Variants in RELB observed in about 807,000 individuals in gnomAD.
RELB encodes the protein transcription factor RelB.
RELB carries 14 observed loss-of-function variants against 55.4 expected under a neutral mutation model. That is an observed-to-expected ratio of 0.25 (90% CI 0.17 to 0.40). RELB has a LOEUF of 0.40. Ranked by LOEUF, RELB falls within the 10% of genes least tolerant of loss-of-function variation. RELB has a pLI of 1.00. For missense variants in RELB, 669 were observed against 830.7 expected (o/e 0.81, Z 2.39); for synonymous variants, 409 against 371.3 (o/e 1.10, Z -1.17).
chr19:45,029,970 C>T (rs554923564), intron 8 of RELB, among the ~76,000 whole-genome samples: 1 of 151,988 alleles, frequency 6.6e-6, no homozygotes. Flanking sequence ...GAGTTCGAGA[C>T]CAGCCTGGGC....
Position 45,037,858 on chromosome 19 carries a change from G to C in RELB, c.*68G>C. On this transcript the variant is annotated 3_prime_UTR_variant, in exon 12 of 12. Transcript: ENST00000221452. ...GGAGGAGCCGTGCAATCCCAACCAGGATGTCTAGCACCCCCATCCCCTTGG... is the reference window on the plus strand; with the variant it reads ...GGAGGAGCCGTGCAATCCCAACCAGCATGTCTAGCACCCCCATCCCCTTGG... The C allele has an allele frequency of 7.1e-7, 1 of 1,408,840 alleles. No homozygotes were observed. The highest frequency in any genetic ancestry group is 2.7e-5 in the East Asian group (1 of 37,336). 87.3% of individuals were successfully genotyped at this position (1,408,840 alleles called of 1,614,324 possible).
chr19:45,008,346 A>G, intron 2 of RELB: 1 of 450,808 alleles, frequency 2.2e-6, no homozygotes, highest in East Asian at 7.0e-5. Context: ...CAGGATTTGA[A>G]CAGAGGCAGT....
chr19:45,024,855 G>T (rs922446561), intron 5 of RELB, among the ~76,000 whole-genome samples: 1 of 151,130 alleles, frequency 6.6e-6, no homozygotes, highest in East Asian at 1.9e-4. Context: ...TGGCCAAAAG[G>T]TTTATTTTAT....
intron 7 of RELB, among the ~76,000 whole-genome samples, chr19:45,028,534 A>G (rs1971584080): frequency 6.6e-6 from 1 of 151,850 alleles, no homozygotes; most frequent in Non-Finnish European, 1.5e-5. Context: ...GGGTTTCACC[A>G]TGTTGGCCAG....
At chr19:45,003,907 TTTTTTGTG>T (rs1971246919) in intron 2 of RELB, among the ~76,000 whole-genome samples, 1 of 123,332 alleles carries the variant, frequency 8.1e-6, no homozygotes, top group African/African-American at 3.2e-5. Context: ...TTTTTGTCTG[TTTTTTGTG>T]TTTTTTTTTT....
intron 5 of RELB, 109 bp downstream of exon 5, chr19:45,022,319 C>T (rs1358415132): frequency 1.8e-6 from 2 of 1,099,086 alleles, no homozygotes; most frequent in East Asian, 2.5e-5. Flanking sequence ...TAAACCCTCC[C>T]CACTGCCTCT....
chr19:45,006,209 C>T (rs1174614875), intron 2 of RELB, among the ~76,000 whole-genome samples: 4 of 152,020 alleles, frequency 2.6e-5, no homozygotes, highest in African/African-American at 7.2e-5. Context: ...AGGAAAATTC[C>T]CTTTTTGTTT....
chr19:45,025,671 T>C lies in RELB; in HGVS notation c.820T>C (p.Tyr274His). ...NVVRICFQAS[Y>H]RDQQGQMRRM... ...GGTGAGGATCTGCTTCCAGGCCTCA[T>C]ATCGGGACCAGCAGGGACAGATGCG... Residue 274 changes from tyrosine to histidine, a missense_variant, in exon 7 of 12, where the codon TAT becomes CAT. This residue lies in a region of RELB where 341 missense variants were observed against 436.8 expected (regional missense o/e 0.78). Coordinates refer to ENST00000221452, the MANE Select transcript of RELB (RefSeq NM_006509.4). 1 of 1,614,000 alleles carries C rather than the reference T, an allele frequency of 6.2e-7. No homozygotes were observed. The highest frequency in any genetic ancestry group is 8.5e-7 in the Non-Finnish European group (1 of 1,179,892).
In RELB at chr19:45,025,586, C is replaced by A. The variant is rs1460321502; in HGVS notation, c.755-20C>A. 2.5e-6 allele frequency: 4 copies of A among 1,613,830 alleles called. No individual in the cohort carries two copies. In the South Asian group the frequency reaches 4.4e-5, roughly 18 times the overall value. ...GGTCTCCACTTCCCACCCTCAGCCT[C>A]CCCATATCTCCCCCGACAGCTGGGT... On this transcript the variant is annotated intron_variant, in intron 6 of 11. Transcript: ENST00000221452.
intron 4 of RELB, among the ~76,000 whole-genome samples, chr19:45,014,546 C>T (rs1273730270): frequency 1.3e-5 from 2 of 148,714 alleles, no homozygotes; most frequent in Admixed American, 6.7e-5. Context: ...TTGATGGAAT[C>T]TTGCTCTGTC....
At chr19:45,021,986 C>T in intron 4 of RELB, 67 bp from the exon 5 acceptor site, 1 of 1,491,876 alleles carries the variant, frequency 6.7e-7, no homozygotes, top group Non-Finnish European at 9.0e-7. Flanking sequence ...CAAGGAAGGC[C>T]CCAAGGAGTT....
intron 4 of RELB, among the ~76,000 whole-genome samples, chr19:45,017,482 A>G (rs1238509551): frequency 6.7e-6 from 1 of 148,974 alleles, no homozygotes; most frequent in East Asian, 2.0e-4. Context: ...GAAATCCGAA[A>G]TAATGTGATG....
chr19:45,015,267 C>G (rs919524303), intron 4 of RELB, among the ~76,000 whole-genome samples: 1 of 152,194 alleles, frequency 6.6e-6, no homozygotes, highest in Non-Finnish European at 1.5e-5. Context: ...GGGCAGTTAC[C>G]TGCACAGGGC....
chr19:45,021,398 C>T (rs1172180327), intron 4 of RELB, among the ~76,000 whole-genome samples: 4 of 140,824 alleles, frequency 2.8e-5, no homozygotes, highest in Admixed American at 7.3e-5. Flanking sequence ...GGCGTGAACC[C>T]GCAGGCAGAG....
chr19:45,032,821 G>A (rs771322508), intron 9 of RELB, 72 bp downstream of exon 9: 13 of 1,282,062 alleles, frequency 1.0e-5, no homozygotes, highest in Non-Finnish European at 1.3e-5. Flanking sequence ...ACCCCAGTGG[G>A]GATGGGAAAG....
rs757103939 is a variant in RELB at position 45,037,795 on chromosome 19, G to A, written c.*5G>A. ...CCGGGGCCTGAAGCCACGTAGCCCC[G>A]CGATGCCAGAGGAGGGGCACTGGGT... is the stretch of plus-strand genomic sequence containing the variant. On this transcript the variant is annotated 3_prime_UTR_variant, in exon 12 of 12. Coordinates refer to ENST00000221452, the MANE Select transcript of RELB (RefSeq NM_006509.4). 3 of 1,479,680 alleles carry A rather than the reference G, an allele frequency of 2.0e-6. No individual in the cohort carries two copies. The highest frequency in any genetic ancestry group is 2.7e-6 in the Non-Finnish European group (3 of 1,118,638). The allele number at this position is 1,479,680 out of a possible 1,614,324, so 91.7% of individuals were successfully genotyped here.
At chr19:45,033,735 G>T (rs1971653012) in intron 9 of RELB, among the ~76,000 whole-genome samples, 1 of 150,210 alleles carries the variant, frequency 6.7e-6, no homozygotes, top group African/African-American at 2.4e-5. Flanking sequence ...TAGAGACCGG[G>T]TTTCGCCGTG....
At chr19:45,025,182 C>T (rs1183102573) in intron 5 of RELB, 147 bp from the exon 6 acceptor site, 4 of 643,766 alleles carry the variant, frequency 6.2e-6, no homozygotes, top group African/African-American at 1.8e-5. Flanking sequence ...AACCCCAGAC[C>T]GTTTCTAATG....
Position 45,012,058 on chromosome 19 carries a change from G to A in RELB, c.286G>A (p.Gly96Ser). ...GAASLSTVTL[G>S]PVAPPATPPP... ...TGCGTCCCTGAGCACGGTCACCCTG[G>A]GCCCTGTGGCGCCCCCAGCCACGCC... Residue 96 changes from glycine to serine, a missense_variant, in exon 4 of 12, where the codon GGC becomes AGC. Physicochemically the swap from Gly to Ser is moderately conservative, Grantham distance 56. Transcript: ENST00000221452. 4 of 1,558,594 alleles carry A rather than the reference G, an allele frequency of 2.6e-6. No homozygotes were observed. The highest frequency in any genetic ancestry group is 3.5e-6 in the Non-Finnish European group (4 of 1,156,338).
Sources: gnomAD v4.1 joint callset for allele counts (sites outside exome capture counted in the v4.1 genomes callset) on GRCh38, gnomAD v4.1.1 for gene constraint, gnomAD v4.1.1 regional missense constraint, MANE v1.5 for transcripts, NCBI Gene and HGNC (gene_info 2026-07-23, HGNC 2026-07-21) for gene names.